Variants in LRRC75A observed in about 807,000 individuals in gnomAD.
LRRC75A encodes the protein leucine-rich repeat-containing protein 75A.
In LRRC75A, 12 loss-of-function variants were observed where a neutral mutation model predicts 26.0. The observed-to-expected ratio is 0.46, with a 90% confidence interval of 0.30 to 0.75. The LOEUF (loss-of-function observed/expected upper bound fraction) is 0.75. LRRC75A is among the 30% of genes least tolerant of loss of function. LRRC75A has a pLI of 0.08. For synonymous variants in LRRC75A, 223 were observed against 219.3 expected, an observed-to-expected ratio of 1.02 and a Z score of -0.15; for missense variants, 410 against 486.6, an observed-to-expected ratio of 0.84 and a Z score of 1.48.
rs1159772714 is a variant in LRRC75A, at chr17:16,442,661, CCTT to C, written c.*924_*926del. Reference sequence around the variant, plus strand: ...TAGGTTTTTAAGGTTTTAAAGCCCACCTTCTGCAGTCGGTTTTCTGGAATGTGT... The same window carrying C: ...TAGGTTTTTAAGGTTTTAAAGCCCACCTGCAGTCGGTTTTCTGGAATGTGT... On this transcript the variant is annotated 3_prime_UTR_variant, in exon 4 of 4. Coordinates refer to ENST00000470794, the MANE Select transcript of LRRC75A (RefSeq NM_001113567.3). 6.6e-6 allele frequency: 1 copy of C among 152,226 alleles called. No individual in the cohort carries two copies. The highest frequency in any genetic ancestry group is 1.5e-5 in the Non-Finnish European group (1 of 68,076). 9.4% of individuals were successfully genotyped at this position (152,226 alleles called of 1,614,324 possible). A position where few individuals can be genotyped will look rare whatever the true frequency, so the allele number is the denominator to read the frequency against.
intron 1 of LRRC75A, among the ~76,000 whole-genome samples, chr17:16,475,914 C>T (rs569224366): frequency 4.0e-5 from 6 of 151,862 alleles, no homozygotes; most frequent in Non-Finnish European, 5.9e-5. Context: ...GGGTGTTGGC[C>T]GGGCATGGTG....
At chr17:16,456,411 GGAGGAGGAA>G (rs1191068448) in intron 2 of LRRC75A, among the ~76,000 whole-genome samples, 1 of 150,608 alleles carries the variant, frequency 6.6e-6, no homozygotes, top group Non-Finnish European at 1.5e-5. Flanking sequence ...AGGAAGAGGA[GGAGGAGGAA>G]GAGGAGCAGA....
rs35125617 is a variant in LRRC75A at position 16,485,631 on chromosome 17, A to AGTGTGTGTGT, written c.246+6104_246+6113dup. Among the ~76,000 whole-genome samples, 174 of 128,470 alleles carry AGTGTGTGTGT rather than the reference A, an allele frequency of 1.4e-3. 2 individuals are homozygous for AGTGTGTGTGT. The highest frequency in any genetic ancestry group is 5.1e-3 in the African/African-American group (160 of 31,644). The allele number at this position is 128,470 out of a possible 152,430, so 84.3% of individuals were successfully genotyped here. A position where few individuals can be genotyped will look rare whatever the true frequency, so the allele number is the denominator to read the frequency against. On this transcript the variant is annotated intron_variant, in intron 1 of 3. Coordinates refer to ENST00000470794, the MANE Select transcript of LRRC75A (RefSeq NM_001113567.3). ...ACAGCCAGGAGGAGCCAGGACAAGCAGTGTGTGTGTGTGTGTGTGTGTGTG... is the reference window on the plus strand; with the variant it reads ...ACAGCCAGGAGGAGCCAGGACAAGCAGTGTGTGTGTGTGTGTGTGTGTGTGTGTGTGTGTG...
At chr17:16,446,905 C>T in intron 3 of LRRC75A, 1 of 377,064 alleles carries the variant, frequency 2.7e-6, no homozygotes, top group South Asian at 1.8e-5. Context: ...GGGAATGCGC[C>T]TCTCCAGGAT....
In LRRC75A at chr17:16,448,075, G is replaced by C. The variant is rs777359337; in HGVS notation, c.376-115C>G. ...AGCTCCCCCAGGCTGAGCTGGGGGA[G>C]GCCCTGCTCTGCTGGCCTAGGGTGG... On this transcript the variant is annotated intron_variant, in intron 2 of 3. Coordinates refer to ENST00000470794, the MANE Select transcript of LRRC75A (RefSeq NM_001113567.3). The C allele has an allele frequency of 2.5e-5, 23 of 935,960 alleles. No individual in the cohort carries two copies. In the Middle Eastern group the frequency reaches 6.2e-4, roughly 25 times the overall value. 58.0% of individuals were successfully genotyped at this position (935,960 alleles called of 1,614,324 possible).
intron 3 of LRRC75A, among the ~76,000 whole-genome samples, chr17:16,445,137 ACAC>A (rs2093571305): frequency 7.0e-6 from 1 of 143,062 alleles, no homozygotes; most frequent in Non-Finnish European, 1.5e-5. Context: ...GCATGAGCCA[ACAC>A]GCCTGGCCAT....
At chr17:16,481,799 G>A (rs146178971) in intron 1 of LRRC75A, among the ~76,000 whole-genome samples, 1 of 152,214 alleles carries the variant, frequency 6.6e-6, no homozygotes, top group Non-Finnish European at 1.5e-5. Context: ...CATTTACCAT[G>A]AGGAAATCAG....
At chr17:16,465,768 C>T (rs116009864) in intron 1 of LRRC75A, among the ~76,000 whole-genome samples, 1,804 of 152,356 alleles carry the variant, frequency 0.012, 38 homozygotes, top group African/African-American at 0.04. Context: ...GCGCCATCCC[C>T]CTGGTTGCCC....
intron 2 of LRRC75A, among the ~76,000 whole-genome samples, chr17:16,457,494 CCCCA>C (rs2093694362): frequency 6.6e-6 from 1 of 152,132 alleles, no homozygotes; most frequent in Non-Finnish European, 1.5e-5. Flanking sequence ...ATTCTGATTC[CCCCA>C]CTTCGGCATG....
At chr17:16,451,697 G>A (rs925625193) in intron 2 of LRRC75A, among the ~76,000 whole-genome samples, 4 of 151,946 alleles carry the variant, frequency 2.6e-5, no homozygotes, top group Non-Finnish European at 5.9e-5. Context: ...CCCATCTAGA[G>A]CTGTGCTTCT....
Position 16,444,105 on chromosome 17 carries a change from G to T in LRRC75A, c.518C>A (p.Pro173His). 6.8e-6 allele frequency: 11 copies of T among 1,606,390 alleles called. No individual in the cohort carries two copies. Among genetic ancestry groups the T allele is most frequent in the Non-Finnish European group, 9.4e-6 (11 of 1,174,672 alleles). The change falls in exon 4 of 4, where the codon CCC becomes CAC. Residue 173 changes from proline (P) to histidine (H), a missense_variant. Physicochemically the swap from Pro to His is moderately conservative, Grantham distance 77 (BLOSUM62 -2). Transcript: ENST00000470794. ...ACLKAVLAGS[P>H]PDNTVDLSGI... ...CGACAGGTCCACTGTGTTGTCTGGG[G>T]GGCTTCCGGCCAGGACAGCCTTGAG...
chr17:16,476,877 C>T (rs147118903), intron 1 of LRRC75A, among the ~76,000 whole-genome samples: 4,926 of 151,702 alleles, frequency 0.032, 205 homozygotes, highest in Admixed American at 0.091. Flanking sequence ...TAGCTGGGAC[C>T]ACAGGCGCCC....
chr17:16,485,671 CGTGT>C (rs139508916), intron 1 of LRRC75A, among the ~76,000 whole-genome samples: 97 of 124,390 alleles, frequency 7.8e-4, no homozygotes, highest in African/African-American at 2.5e-3. Flanking sequence ...TGTGTGTGTT[CGTGT>C]GTGTGTGTGT....
chr17:16,450,025 G>A (rs2093618091), intron 2 of LRRC75A, among the ~76,000 whole-genome samples: 2 of 152,212 alleles, frequency 1.3e-5, no homozygotes, highest in African/African-American at 4.8e-5. Flanking sequence ...TTGGTGATGT[G>A]GCGGCTGTGG....
intron 1 of LRRC75A, among the ~76,000 whole-genome samples, chr17:16,484,608 C>G (rs969099646): frequency 6.6e-6 from 1 of 152,136 alleles, no homozygotes; most frequent in East Asian, 1.9e-4. Context: ...GAGAGGGGAG[C>G]TGACCAAGAT....
chr17:16,491,990 T>TGCC lies in LRRC75A; in HGVS notation c.-3_-1dup, dbSNP rs1324660669. Reference sequence around the variant, plus strand: ...CTGCCCTTGGTCTGCCGGGTGCCCATGCCGCCGCCGCCCGCCGGGACTCTC... The same window carrying TGCC: ...CTGCCCTTGGTCTGCCGGGTGCCCATGCCGCCGCCGCCGCCCGCCGGGACTCTC... On this transcript the variant is annotated 5_prime_UTR_variant, in exon 1 of 4. Coordinates refer to ENST00000470794, the MANE Select transcript of LRRC75A (RefSeq NM_001113567.3). The surrounding 1 kb of genome is among the most constrained non-coding windows in gnomAD (Gnocchi z 5.9). The TGCC allele has an allele frequency of 4.3e-6, 5 of 1,170,884 alleles. No homozygotes were observed. Among genetic ancestry groups the TGCC allele is most frequent in the Admixed American group, 4.7e-5 (1 of 21,168 alleles). The allele number at this position is 1,170,884 out of a possible 1,614,324, so 72.5% of individuals were successfully genotyped here.
chr17:16,476,073 T>C (rs1013749459), intron 1 of LRRC75A, among the ~76,000 whole-genome samples: 3 of 152,220 alleles, frequency 2.0e-5, no homozygotes, highest in South Asian at 2.1e-4. Flanking sequence ...CAGGTGCCTA[T>C]AGTCCCAGCT....
intron 2 of LRRC75A, among the ~76,000 whole-genome samples, chr17:16,455,564 T>C (rs1476905586): frequency 6.6e-6 from 1 of 151,966 alleles, no homozygotes; most frequent in Non-Finnish European, 1.5e-5. Flanking sequence ...TGTATTTCTA[T>C]TAGAGACGGG....
chr17:16,471,121 C>G (rs949917242), intron 1 of LRRC75A, among the ~76,000 whole-genome samples: 1 of 152,176 alleles, frequency 6.6e-6, no homozygotes, highest in Admixed American at 6.5e-5. Flanking sequence ...ATGAGATGAT[C>G]CTGGTTTATC....
Sources: gnomAD v4.1 joint callset for allele counts (sites outside exome capture counted in the v4.1 genomes callset) on GRCh38, gnomAD v4.1.1 for gene constraint, Gnocchi (gnomAD v3.1) non-coding constraint, MANE v1.5 for transcripts, NCBI Gene and HGNC (gene_info 2026-07-23, HGNC 2026-07-21) for gene names.